The following SNTG2 variants were observed in gnomAD, a reference collection of about 807,000 sequenced individuals.
SNTG2 encodes gamma-2-syntrophin.
Under a neutral mutation model 70.9 loss-of-function variants are expected in SNTG2, and 74 were observed. The ratio of observed to expected loss-of-function variants is 1.04; its 90% confidence interval spans 0.86 to 1.27. The LOEUF is 1.27. SNTG2 is among the 50% of genes most tolerant of loss of function. The probability of loss-of-function intolerance (pLI) is 0.00; values close to 1 mark genes in which losing one functional copy is unlikely to be tolerated. For missense variants in SNTG2, 717 were observed against 690.7 expected (o/e 1.04, Z -0.43); for synonymous variants, 278 against 273.8 (o/e 1.02, Z -0.15).
intron 8 of SNTG2, among the ~76,000 whole-genome samples, chr2:1,203,380 G>T (rs925747757): frequency 6.6e-6 from 1 of 151,850 alleles, no homozygotes; most frequent in Non-Finnish European, 1.5e-5. Flanking sequence ...TACACAGGCC[G>T]GGCACAGTGG....
At chr2:968,969 T>G (rs7595967) in intron 1 of SNTG2, among the ~76,000 whole-genome samples, 52,303 of 152,004 alleles carry the variant, frequency 0.34, 9,799 homozygotes, top group Middle Eastern at 0.46. Flanking sequence ...AGTGTCTCGG[T>G]TTTCCTTCTA....
chr2:1,240,012 T>C (rs1215139818), intron 11 of SNTG2, among the ~76,000 whole-genome samples: 1 of 152,218 alleles, frequency 6.6e-6, no homozygotes, highest in Non-Finnish European at 1.5e-5. Context: ...TGATCTCCTG[T>C]GTATAGATTA....
chr2:1,141,343 A>G (rs768502960), intron 6 of SNTG2, among the ~76,000 whole-genome samples: 1 of 152,222 alleles, frequency 6.6e-6, no homozygotes, highest in Non-Finnish European at 1.5e-5. Flanking sequence ...AACACAAAGT[A>G]TGCTATTGCC....
chr2:1,122,306 A>G (rs1354052096), intron 4 of SNTG2, among the ~76,000 whole-genome samples: 1 of 152,210 alleles, frequency 6.6e-6, no homozygotes, highest in Non-Finnish European at 1.5e-5. Context: ...GTCACTAACA[A>G]TGAAAACTAC....
intron 6 of SNTG2, among the ~76,000 whole-genome samples, chr2:1,138,305 T>TG (rs1179798107): frequency 6.6e-6 from 1 of 152,084 alleles, no homozygotes; most frequent in Non-Finnish European, 1.5e-5. Flanking sequence ...CATAAGATGG[T>TG]GGGGGTCAGG....
intron 9 of SNTG2, among the ~76,000 whole-genome samples, chr2:1,214,759 T>C (rs1674270516): frequency 6.6e-6 from 1 of 152,192 alleles, no homozygotes; most frequent in Admixed American, 6.5e-5. Context: ...TGTTAGCACT[T>C]CCAGTACTAT....
chr2:1,327,657 A>T (rs1681815456), intron 16 of SNTG2, among the ~76,000 whole-genome samples: 1 of 152,208 alleles, frequency 6.6e-6, no homozygotes, highest in Non-Finnish European at 1.5e-5. Context: ...ACTGTATGTT[A>T]TGCAGGTATC....
chr2:982,076 CT>C, intron 1 of SNTG2, among the ~76,000 whole-genome samples: 1 of 152,364 alleles, frequency 6.6e-6, no homozygotes, highest in Middle Eastern at 3.4e-3. Flanking sequence ...ACACATGCAT[CT>C]CCAGGCTTTT....
intron 1 of SNTG2, among the ~76,000 whole-genome samples, chr2:985,927 A>G (rs910307738): frequency 2.0e-5 from 3 of 152,194 alleles, no homozygotes; most frequent in African/African-American, 7.2e-5. Context: ...GTGGAAGAAA[A>G]GTACTGTGTT....
At chr2:1,098,102 C>T (rs879126168) in intron 2 of SNTG2, 94 bp from the exon 3 acceptor site, 60 of 1,325,124 alleles carry the variant, frequency 4.5e-5, no homozygotes, top group East Asian at 2.1e-4. Context: ...TAATTTAACA[C>T]GTATTTGGGT....
intron 1 of SNTG2, among the ~76,000 whole-genome samples, chr2:1,079,357 C>A (rs1664133085): frequency 6.6e-6 from 1 of 152,200 alleles, no homozygotes; most frequent in East Asian, 1.9e-4. Flanking sequence ...AAACTAAGGC[C>A]AATTTGACAT....
intron 14 of SNTG2, among the ~76,000 whole-genome samples, chr2:1,271,693 A>G (rs1336877459): frequency 6.6e-6 from 1 of 152,144 alleles, no homozygotes; most frequent in Non-Finnish European, 1.5e-5. Context: ...GGAAGCAACA[A>G]GCATTCATGT....
At chr2:1,158,874 T>C (rs528821979) in intron 6 of SNTG2, among the ~76,000 whole-genome samples, 1 of 152,200 alleles carries the variant, frequency 6.6e-6, no homozygotes, top group East Asian at 1.9e-4. Context: ...GGAATGGTAG[T>C]TGGGTGCTTG....
chr2:1,207,744 C>A (rs1673733764), intron 8 of SNTG2, among the ~76,000 whole-genome samples: 1 of 152,154 alleles, frequency 6.6e-6, no homozygotes, highest in South Asian at 2.1e-4. Context: ...TGGGGAACCG[C>A]CCCCCGTCTC....
intron 9 of SNTG2, among the ~76,000 whole-genome samples, chr2:1,228,627 G>GTTTT (rs1362497977): frequency 2.0e-5 from 3 of 152,198 alleles, no homozygotes; most frequent in African/African-American, 7.2e-5. Context: ...TTTGGTGTTG[G>GTTTT]GTAAAAGCGC....
chr2:1,038,890 C>T (rs1170037885), intron 1 of SNTG2, among the ~76,000 whole-genome samples: 1 of 152,204 alleles, frequency 6.6e-6, no homozygotes, highest in Non-Finnish European at 1.5e-5. Context: ...TGTTTTTCAT[C>T]CTTTTCCACC....
intron 1 of SNTG2, among the ~76,000 whole-genome samples, chr2:978,788 A>G (rs1476233984): frequency 6.6e-6 from 1 of 152,276 alleles, no homozygotes; most frequent in Non-Finnish European, 1.5e-5. Flanking sequence ...CGCAATGAGA[A>G]GATGGCTGAG....
At chr2:1,109,512 C>T (rs1437055385) in intron 4 of SNTG2, among the ~76,000 whole-genome samples, 4 of 152,044 alleles carry the variant, frequency 2.6e-5, no homozygotes, top group Admixed American at 6.6e-5. Flanking sequence ...GGGCAAGGGA[C>T]GCATGATTAT....
At chr2:1,084,929 C>T (rs1321052610) in intron 2 of SNTG2, among the ~76,000 whole-genome samples, 5 of 152,220 alleles carry the variant, frequency 3.3e-5, no homozygotes, top group Non-Finnish European at 7.3e-5. Context: ...TCACCTCCCA[C>T]AGCCCACACC....
Sources: gnomAD v4.1 joint callset for allele counts (sites outside exome capture counted in the v4.1 genomes callset) on GRCh38, gnomAD v4.1.1 for gene constraint, MANE v1.5 for transcripts, NCBI Gene and HGNC (gene_info 2026-07-23, HGNC 2026-07-21) for gene names.